Variants in CSMD1 observed in about 807,000 individuals in gnomAD.
CSMD1 encodes CUB and sushi domain-containing protein 1.
A neutral mutation model predicts 417.5 loss-of-function variants in CSMD1; 213 were observed. That is an observed-to-expected ratio of 0.51 (90% CI 0.46 to 0.57). The LOEUF (loss-of-function observed/expected upper bound fraction) is 0.57, where lower values mean the gene tolerates loss of function less well. Ranked by LOEUF, CSMD1 falls within the 20% of genes least tolerant of loss-of-function variation. The probability of loss-of-function intolerance (pLI) is 0.00; values close to 1 mark genes in which losing one functional copy is unlikely to be tolerated. For missense variants in CSMD1, 6,923 were observed against 4,529.7 expected, an observed-to-expected ratio of 1.53 and a Z score of -15.17; for synonymous variants, 2,862 against 1,736.8, an observed-to-expected ratio of 1.65 and a Z score of -16.11.
chr8:3,373,690 A>G (rs897764897), intron 18 of CSMD1: 2 of 152,184 alleles, frequency 1.3e-5, no homozygotes, highest in Admixed American at 6.5e-5. Context: ...AATTATGTTA[A>G]TCTGTTTCTT....
At chr8:3,775,432 T>G (rs1798843121) in intron 5 of CSMD1, among the ~76,000 whole-genome samples, 1 of 151,924 alleles carries the variant, frequency 6.6e-6, no homozygotes, top group African/African-American at 2.4e-5. Flanking sequence ...AACAAGTACT[T>G]TGGGGAGGGG....
intron 1 of CSMD1, among the ~76,000 whole-genome samples, chr8:4,915,199 T>C (rs1004955528): frequency 2.0e-5 from 3 of 151,832 alleles, no homozygotes; most frequent in Admixed American, 6.6e-5. Context: ...CACATACATA[T>C]ACCTGTGTAT....
chr8:4,146,207 T>C (rs950860827), intron 3 of CSMD1, among the ~76,000 whole-genome samples: 2 of 150,982 alleles, frequency 1.3e-5, no homozygotes, highest in Non-Finnish European at 1.5e-5. Context: ...AAGGGTGATA[T>C]CGTTTGGAAA....
chr8:4,217,209 A>C (rs1800735995), intron 3 of CSMD1, among the ~76,000 whole-genome samples: 1 of 152,208 alleles, frequency 6.6e-6, no homozygotes, highest in African/African-American at 2.4e-5. Context: ...ATAGCTAGCA[A>C]CAATTACTCT....
At chr8:4,043,894 C>T (rs1043100254) in intron 3 of CSMD1, among the ~76,000 whole-genome samples, 7 of 152,158 alleles carry the variant, frequency 4.6e-5, no homozygotes, top group African/African-American at 1.7e-4. Context: ...TAAGATAACA[C>T]AGATAAACCT....
intron 1 of CSMD1, among the ~76,000 whole-genome samples, chr8:4,704,481 TG>T (rs1807791857): frequency 6.6e-6 from 1 of 152,206 alleles, no homozygotes; most frequent in South Asian, 2.1e-4. Flanking sequence ...TTCAGAAATT[TG>T]AATTTTTGTA....
intron 10 of CSMD1, among the ~76,000 whole-genome samples, chr8:3,559,354 A>G (rs1347307246): frequency 6.6e-6 from 1 of 152,218 alleles, no homozygotes; most frequent in South Asian, 2.1e-4. Flanking sequence ...ACAGAGGTTT[A>G]AAGGAGTAAG....
intron 54 of CSMD1, among the ~76,000 whole-genome samples, chr8:2,985,370 G>T (rs1331037559): frequency 1.3e-5 from 2 of 151,782 alleles, no homozygotes; most frequent in Non-Finnish European, 2.9e-5. Flanking sequence ...CGTGAGGCAG[G>T]AGACTGTGGT....
chr8:4,649,516 T>C (rs1192848217), intron 1 of CSMD1, among the ~76,000 whole-genome samples: 2 of 152,236 alleles, frequency 1.3e-5, no homozygotes, highest in East Asian at 3.9e-4. Flanking sequence ...GTAGGACTTC[T>C]ACCCCTGTGC....
chr8:3,979,412 G>C (rs1240043697), intron 5 of CSMD1, among the ~76,000 whole-genome samples: 1 of 152,168 alleles, frequency 6.6e-6, no homozygotes, highest in Non-Finnish European at 1.5e-5. Flanking sequence ...AGGCTACATG[G>C]AAAAGCTGCA....
chr8:4,178,153 T>C (rs1353831589), intron 3 of CSMD1, among the ~76,000 whole-genome samples: 1 of 152,090 alleles, frequency 6.6e-6, no homozygotes, highest in African/African-American at 2.4e-5. Context: ...ACCAATATCC[T>C]TGATGCAGAT....
At chr8:4,356,644 G>T (rs931106148) in intron 3 of CSMD1, among the ~76,000 whole-genome samples, 1 of 152,046 alleles carries the variant, frequency 6.6e-6, no homozygotes, top group Non-Finnish European at 1.5e-5. Flanking sequence ...CTGGTCCTGC[G>T]AAGGTAGTTC....
At chr8:4,776,958 T>G (rs1304771475) in intron 1 of CSMD1, among the ~76,000 whole-genome samples, 2 of 152,222 alleles carry the variant, frequency 1.3e-5, no homozygotes, top group Non-Finnish European at 2.9e-5. Flanking sequence ...AATTACGAGC[T>G]AACAATTATT....
chr8:4,148,052 G>A (rs139978805), intron 3 of CSMD1, among the ~76,000 whole-genome samples: 3 of 152,186 alleles, frequency 2.0e-5, no homozygotes, highest in African/African-American at 7.2e-5. Flanking sequence ...TTACGGTAAA[G>A]AAATATACAA....
intron 1 of CSMD1, among the ~76,000 whole-genome samples, chr8:4,922,344 G>C (rs373180285): frequency 1.3e-4 from 20 of 152,154 alleles, no homozygotes; most frequent in African/African-American, 4.3e-4. Flanking sequence ...TCTCAAACTA[G>C]CACTTCTAAT....
chr8:4,729,553 C>T (rs1395115993), intron 1 of CSMD1, among the ~76,000 whole-genome samples: 2 of 152,066 alleles, frequency 1.3e-5, no homozygotes, highest in East Asian at 3.9e-4. Flanking sequence ...GAGAATGATG[C>T]ATTAGGCAAA....
At chr8:4,366,237 C>G (rs1377128696) in intron 3 of CSMD1, among the ~76,000 whole-genome samples, 1 of 142,442 alleles carries the variant, frequency 7.0e-6, no homozygotes, top group Non-Finnish European at 1.5e-5. Flanking sequence ...ATCCATGTAG[C>G]TGCAAAAGAC....
At chr8:3,995,931 G>A (rs371813789) in intron 5 of CSMD1, among the ~76,000 whole-genome samples, 3 of 152,150 alleles carry the variant, frequency 2.0e-5, no homozygotes, top group African/African-American at 7.2e-5. Context: ...TTCCAGTGAT[G>A]TAGAAGATGT....
chr8:3,575,978 T>C (rs1039196118), intron 9 of CSMD1, among the ~76,000 whole-genome samples: 25 of 149,696 alleles, frequency 1.7e-4, no homozygotes, highest in African/African-American at 6.1e-4. Context: ...GAAATTAATG[T>C]AAGAGAACTT....
Sources: allele counts gnomAD v4.1 joint callset (sites outside exome capture counted in the v4.1 genomes callset), GRCh38; gene constraint gnomAD v4.1.1; transcripts MANE v1.5; gene names NCBI Gene and HGNC (gene_info 2026-07-23, HGNC 2026-07-21).